MAF: variants seen among roughly 807,000 people sequenced by gnomAD.
The protein encoded by MAF is transcription factor Maf.
MAF carries 10 observed loss-of-function variants against 22.0 expected under a neutral mutation model. The observed-to-expected ratio is 0.45, with a 90% confidence interval of 0.28 to 0.77. The LOEUF (loss-of-function observed/expected upper bound fraction) is 0.77, where lower values mean the gene tolerates loss of function less well. Ranked by LOEUF, MAF falls within the 30% of genes least tolerant of loss-of-function variation. MAF has a pLI of 0.12. For missense variants in MAF, 544 were observed against 548.4 expected (o/e 0.99, Z 0.08); for synonymous variants, 337 against 255.8 (o/e 1.32, Z -3.03).
At chr16:79,299,329 AAAAC>A in the MAF span, among the ~76,000 whole-genome samples, 1 of 150,612 alleles carries the variant, frequency 6.6e-6, no homozygotes, top group Non-Finnish European at 1.5e-5. Context: ...ATGGAAAAGA[AAAAC>A]AAACAAAGAA....
the MAF span, among the ~76,000 whole-genome samples, chr16:79,522,070 A>T: frequency 6.6e-6 from 1 of 152,210 alleles, no homozygotes; most frequent in Non-Finnish European, 1.5e-5. Context: ...CAGGCGGAGA[A>T]TCTGAGGTGT....
chr16:79,314,047 G>C, the MAF span, among the ~76,000 whole-genome samples: 1 of 152,278 alleles, frequency 6.6e-6, no homozygotes, highest in East Asian at 1.9e-4. Context: ...AGAATTTTTT[G>C]ATTCCAAGAC....
At chr16:79,524,768 T>C in the MAF span, among the ~76,000 whole-genome samples, 185 of 152,360 alleles carry the variant, frequency 1.2e-3, no homozygotes, top group African/African-American at 4.1e-3. Context: ...CCCAAAATTC[T>C]TTATCCCATT....
chr16:79,301,168 T>A, the MAF span, among the ~76,000 whole-genome samples: 128 of 152,126 alleles, frequency 8.4e-4, no homozygotes, highest in Non-Finnish European at 2.9e-5. Flanking sequence ...TCAGGAGAAG[T>A]GGCCCGCAGG....
chr16:79,344,616 A>G, the MAF span, among the ~76,000 whole-genome samples: 1 of 152,228 alleles, frequency 6.6e-6, no homozygotes, highest in Non-Finnish European at 1.5e-5. Flanking sequence ...AACTGTCTAT[A>G]TAATAAGTAT....
At chr16:79,260,463 C>CTATCTATATCTATATCTA in the MAF span, among the ~76,000 whole-genome samples, 19,258 of 145,240 alleles carry the variant, frequency 0.13, 1,404 homozygotes, top group Non-Finnish European at 0.15. Flanking sequence ...ATGTATCTAT[C>CTATCTATATCTATATCTA]TATCTATATC....
chr16:79,242,274 T>G, the MAF span, among the ~76,000 whole-genome samples: 1 of 150,808 alleles, frequency 6.6e-6, no homozygotes, highest in Non-Finnish European at 1.5e-5. Context: ...GACCCATAGG[T>G]GTGTGGTATT....
chr16:79,515,680 G>C, the MAF span, among the ~76,000 whole-genome samples: 3 of 152,180 alleles, frequency 2.0e-5, no homozygotes, highest in South Asian at 2.1e-4. Context: ...TCCCAGATAA[G>C]AGGCTGGGCC....
chr16:79,576,810 A>G, the MAF span, among the ~76,000 whole-genome samples: 70 of 152,276 alleles, frequency 4.6e-4, no homozygotes, highest in Admixed American at 1.2e-3. Context: ...GGTGCTTTAC[A>G]TACATTACCA....
the MAF span, among the ~76,000 whole-genome samples, chr16:79,577,470 G>C: frequency 6.6e-6 from 1 of 152,136 alleles, no homozygotes; most frequent in Admixed American, 6.5e-5. Context: ...TAGAATATCT[G>C]CCTCTCTATT....
At chr16:79,504,449 T>C in the MAF span, among the ~76,000 whole-genome samples, 1 of 152,252 alleles carries the variant, frequency 6.6e-6, no homozygotes, top group Non-Finnish European at 1.5e-5. Context: ...GCCTATGCTT[T>C]CTTATTTTGG....
At chr16:79,262,506 T>C in the MAF span, among the ~76,000 whole-genome samples, 8,783 of 152,186 alleles carry the variant, frequency 0.058, 566 homozygotes, top group African/African-American at 0.15. Flanking sequence ...GTGGATACCT[T>C]ATCTGTTTAT....
chr16:79,408,987 CAG>C, the MAF span, among the ~76,000 whole-genome samples: 1 of 111,894 alleles, frequency 8.9e-6, no homozygotes, highest in Non-Finnish European at 1.8e-5. Flanking sequence ...GCACATAGAC[CAG>C]AGTTTTCAAA....
chr16:79,585,830 G>GAA (rs59488209), downstream of MAF: 123 of 521,588 alleles, frequency 2.4e-4, no homozygotes, highest in African/African-American at 1.4e-3. Context: ...CAAAGAAAAG[G>GAA]AAAAAAAAAA....
chr16:79,358,047 C>A, the MAF span, among the ~76,000 whole-genome samples: 16 of 152,192 alleles, frequency 1.1e-4, no homozygotes, highest in African/African-American at 3.9e-4. Context: ...CCAAGCAGTA[C>A]CTTGCAGGGA....
chr16:79,581,976 T>C (rs1912548709), downstream of MAF, among the ~76,000 whole-genome samples: 1 of 152,204 alleles, frequency 6.6e-6, no homozygotes, highest in Non-Finnish European at 1.5e-5. Context: ...TGAAATTTTA[T>C]AAGTGCTAAT....
the MAF span, among the ~76,000 whole-genome samples, chr16:79,358,977 G>T: frequency 6.6e-6 from 1 of 152,294 alleles, no homozygotes; most frequent in South Asian, 2.1e-4. Flanking sequence ...GATTTAGAGT[G>T]CCGGAATGAA....
At chr16:79,263,258 T>C in the MAF span, among the ~76,000 whole-genome samples, 3 of 152,198 alleles carry the variant, frequency 2.0e-5, no homozygotes, top group African/African-American at 4.8e-5. Flanking sequence ...TGCAACTTTC[T>C]CACGTTAGTC....
the MAF span, among the ~76,000 whole-genome samples, chr16:79,549,849 G>C: frequency 6.6e-6 from 1 of 152,116 alleles, no homozygotes; most frequent in East Asian, 1.9e-4. Flanking sequence ...ACCTTATGAA[G>C]TGATCATTCC....
Sources: allele counts gnomAD v4.1 joint callset (sites outside exome capture counted in the v4.1 genomes callset), GRCh38; gene constraint gnomAD v4.1.1; transcripts MANE v1.5; gene names NCBI Gene and HGNC (gene_info 2026-07-23, HGNC 2026-07-21).